The following GADL1 variants were observed in gnomAD, a reference collection of about 807,000 sequenced individuals.
GADL1 encodes the protein acidic amino acid decarboxylase GADL1.
GADL1 carries 71 observed loss-of-function variants against 69.5 expected under a neutral mutation model. The ratio of observed to expected loss-of-function variants is 1.02; its 90% CI spans 0.84 to 1.25. GADL1 has a LOEUF of 1.25. GADL1 is among the 50% of genes most tolerant of loss of function. The pLI, the probability that GADL1 is intolerant of heterozygous loss-of-function variation, is 0.00. For synonymous variants in GADL1, 254 were observed against 214.4 expected (o/e 1.18, Z -1.62); for missense variants, 737 against 631.8 (o/e 1.17, Z -1.79).
At chr3:30,845,878 C>T (rs1698045044) in intron 6 of GADL1, among the ~76,000 whole-genome samples, 1 of 152,010 alleles carries the variant, frequency 6.6e-6, no homozygotes, top group Non-Finnish European at 1.5e-5. Context: ...CTAGCCTACC[C>T]CACTGACATC....
intron 14 of GADL1, among the ~76,000 whole-genome samples, chr3:30,751,550 A>G (rs766195869): frequency 4.6e-5 from 7 of 151,726 alleles, no homozygotes; most frequent in Non-Finnish European, 5.9e-5. Context: ...CAAGCTGGAA[A>G]TATCTAGTAG....
At chr3:30,786,256 G>T in intron 13 of GADL1, 99 bp downstream of exon 13, 2 of 762,710 alleles carry the variant, frequency 2.6e-6, no homozygotes, top group Non-Finnish European at 4.6e-6. Context: ...TTTTAACTCT[G>T]CAACACAAAA....
intron 8 of GADL1, 28 bp downstream of exon 8, chr3:30,844,182 C>T (rs929669176): frequency 1.3e-6 from 2 of 1,587,072 alleles, no homozygotes. Flanking sequence ...CACACGTTCT[C>T]TCTCCCTCTC....
At chr3:30,802,793 A>T (rs2125507992) in intron 11 of GADL1, among the ~76,000 whole-genome samples, 1 of 152,352 alleles carries the variant, frequency 6.6e-6, no homozygotes, top group East Asian at 1.9e-4. Flanking sequence ...CAGTATCCAC[A>T]ATAAACTGAG....
At chr3:30,789,843 T>C (rs1696876406) in intron 12 of GADL1, among the ~76,000 whole-genome samples, 1 of 152,188 alleles carries the variant, frequency 6.6e-6, no homozygotes, top group Non-Finnish European at 1.5e-5. Context: ...CTGGAGAAAG[T>C]TAGGGTCTTG....
chr3:30,789,401 T>C (rs1696867290), intron 12 of GADL1, among the ~76,000 whole-genome samples: 1 of 152,200 alleles, frequency 6.6e-6, no homozygotes, highest in African/African-American at 2.4e-5. Context: ...CAGGCTTTGT[T>C]CCACTTAGAG....
At chr3:30,755,962 A>G (rs1341585440) in intron 14 of GADL1, among the ~76,000 whole-genome samples, 1 of 152,042 alleles carries the variant, frequency 6.6e-6, no homozygotes, top group Admixed American at 6.6e-5. Context: ...TGCCTCCTAT[A>G]TGCAGATTAA....
At chr3:30,770,845 G>GA (rs888650194) in intron 14 of GADL1, among the ~76,000 whole-genome samples, 14 of 151,632 alleles carry the variant, frequency 9.2e-5, no homozygotes, top group Middle Eastern at 3.4e-3. Flanking sequence ...CTCAAGGAAA[G>GA]AAAAAAAAAT....
chr3:30,802,925 C>A (rs181110282), intron 11 of GADL1, among the ~76,000 whole-genome samples: 5 of 152,204 alleles, frequency 3.3e-5, no homozygotes, highest in Admixed American at 2.6e-4. Context: ...CATAGTGAGA[C>A]CCCATCTCTA....
At chr3:30,852,906 T>C (rs1392367232) in intron 4 of GADL1, among the ~76,000 whole-genome samples, 1 of 152,136 alleles carries the variant, frequency 6.6e-6, no homozygotes, top group African/African-American at 2.4e-5. Flanking sequence ...TCTCCTGACT[T>C]ACCCTCACTG....
At chr3:30,753,598 T>TAA (rs1408325531) in intron 14 of GADL1, among the ~76,000 whole-genome samples, 1 of 112,082 alleles carries the variant, frequency 8.9e-6, no homozygotes, top group Non-Finnish European at 1.7e-5. Flanking sequence ...CCAACAGACT[T>TAA]AAAGATAACT....
At chr3:30,854,999 T>A (rs1208492299) in intron 3 of GADL1, among the ~76,000 whole-genome samples, 1 of 152,026 alleles carries the variant, frequency 6.6e-6, no homozygotes, top group Non-Finnish European at 1.5e-5. Context: ...TGGAAAGAAT[T>A]ATGGATTGGG....
chr3:30,796,440 C>G (rs981875156), intron 12 of GADL1, among the ~76,000 whole-genome samples: 2 of 152,194 alleles, frequency 1.3e-5, no homozygotes, highest in South Asian at 2.1e-4. Context: ...TCCCCAGTGC[C>G]GAGAGAGAGC....
chr3:30,770,258 C>G (rs961984773), intron 14 of GADL1, among the ~76,000 whole-genome samples: 3 of 152,196 alleles, frequency 2.0e-5, no homozygotes, highest in African/African-American at 7.2e-5. Context: ...AAATCAGAGA[C>G]ACAGTGGTAA....
chr3:30,863,324 A>T (rs1278022979), intron 1 of GADL1, among the ~76,000 whole-genome samples: 2 of 151,986 alleles, frequency 1.3e-5, no homozygotes, highest in Admixed American at 1.3e-4. Flanking sequence ...GCCTGTATTA[A>T]ATGCCTTTAA....
intron 14 of GADL1, among the ~76,000 whole-genome samples, chr3:30,774,863 T>TC (rs1468190623): frequency 1.3e-5 from 2 of 152,018 alleles, no homozygotes; most frequent in Non-Finnish European, 2.9e-5. Context: ...GTCAGAGACT[T>TC]CCAGCAGAAG....
intron 13 of GADL1, among the ~76,000 whole-genome samples, chr3:30,785,578 C>T (rs1291236515): frequency 1.3e-5 from 2 of 152,040 alleles, no homozygotes; most frequent in African/African-American, 2.4e-5. Context: ...GACAGGGTTT[C>T]ACCATGTTAG....
At chr3:30,883,745 T>C (rs1403321474) in intron 1 of GADL1, among the ~76,000 whole-genome samples, 1 of 152,018 alleles carries the variant, frequency 6.6e-6, no homozygotes, top group Non-Finnish European at 1.5e-5. Flanking sequence ...AGCATGGACG[T>C]CTTAATAATA....
intron 12 of GADL1, among the ~76,000 whole-genome samples, chr3:30,788,430 G>T (rs533646607): frequency 2.0e-3 from 303 of 152,280 alleles, no homozygotes; most frequent in Middle Eastern, 3.4e-3. Flanking sequence ...GCTAAAAAGC[G>T]CTAAGGATTA....
Sources: allele counts gnomAD v4.1 joint callset (sites outside exome capture counted in the v4.1 genomes callset), GRCh38; gene constraint gnomAD v4.1.1; transcripts MANE v1.5; gene names NCBI Gene and HGNC (gene_info 2026-07-23, HGNC 2026-07-21).